The following WDR49 variants were observed in gnomAD, a reference collection of about 807,000 sequenced individuals.
The protein encoded by WDR49 is cilia- and flagella-associated protein 337.
WDR49 carries 107 observed loss-of-function variants against 119.5 expected under a neutral mutation model. That is an observed-to-expected ratio of 0.90 (90% CI 0.77 to 1.05). The LOEUF (loss-of-function observed/expected upper bound fraction) is 1.05. WDR49 is among the 50% of genes least tolerant of loss of function. The pLI, the probability that WDR49 is intolerant of heterozygous loss-of-function variation, is 0.00. For synonymous variants in WDR49, 425 were observed against 418.8 expected (o/e 1.01, Z -0.18); for missense variants, 1,240 against 1,220.5 (o/e 1.02, Z -0.24).
chr3:167,645,356 A>G (rs865788169), intron 2 of WDR49, among the ~76,000 whole-genome samples: 2 of 151,186 alleles, frequency 1.3e-5, no homozygotes, highest in South Asian at 2.1e-4. Context: ...GATTACAGAC[A>G]CCTGCCATAA....
intron 7 of WDR49, among the ~76,000 whole-genome samples, chr3:167,591,196 C>T (rs1238119343): frequency 6.6e-6 from 1 of 151,976 alleles, no homozygotes; most frequent in East Asian, 1.9e-4. Context: ...TGTTTAATTT[C>T]CATGTATTTG....
chr3:167,596,447 A>G (rs1191073405), intron 7 of WDR49, among the ~76,000 whole-genome samples: 6 of 151,944 alleles, frequency 3.9e-5, no homozygotes, highest in African/African-American at 7.3e-5. Context: ...ATTATTCACA[A>G]TAGCAAAGAC....
upstream of WDR49, among the ~76,000 whole-genome samples, chr3:167,656,657 A>G (rs1559935355): frequency 6.6e-6 from 1 of 152,356 alleles, no homozygotes; most frequent in East Asian, 1.9e-4. Flanking sequence ...TTTTCTTGCT[A>G]TAAAATTATG....
intron 11 of WDR49, 52 bp downstream of exon 11, chr3:167,536,808 GCCAAAACAAA>G: frequency 7.3e-7 from 1 of 1,366,710 alleles, no homozygotes; most frequent in South Asian, 2.1e-5. Context: ...AGGTGAGTGA[GCCAAAACAAA>G]CCAAAACAAA....
intron 5 of WDR49, among the ~76,000 whole-genome samples, chr3:167,608,942 C>T (rs1265832196): frequency 6.6e-6 from 1 of 152,182 alleles, no homozygotes; most frequent in Admixed American, 6.5e-5. Context: ...TTAAGGGACC[C>T]TGCCATCGAT....
At chr3:167,614,133 C>T (rs1403231413) in intron 5 of WDR49, among the ~76,000 whole-genome samples, 2 of 152,106 alleles carry the variant, frequency 1.3e-5, no homozygotes, top group African/African-American at 4.8e-5. Flanking sequence ...CTCGCTCTCT[C>T]GCCCAGGTTG....
rs1469128280 is a variant in WDR49 at position 167,626,961 on chromosome 3, A to G, written c.497T>C (p.Ile166Thr). 2 of 1,332,856 alleles carry G rather than the reference A, an allele frequency of 1.5e-6. No homozygotes were observed. Among genetic ancestry groups the G allele is most frequent in the Non-Finnish European group, 1.9e-6 (2 of 1,043,120 alleles). The allele number at this position is 1,332,856 out of a possible 1,614,324, so 82.6% of individuals were successfully genotyped here. A position where few individuals can be genotyped will look rare whatever the true frequency, so the allele number is the denominator to read the frequency against. The change falls in exon 3 of 19, where the codon ATC becomes ACC. Residue 166 changes from isoleucine to threonine, a missense_variant. Ile to Thr is a moderately conservative substitution (Grantham distance 89, BLOSUM62 -1). Transcript: ENST00000682715. ...TTGCAGCTTTAAATGCTCTCCCCAG[A>G]TTGCCAATAAACCTTCTTTACTAAT... ...LTISKEGLLA[I>T]WGEHLKLQET... is the part of the protein sequence containing the mutation.
intron 3 of WDR49, among the ~76,000 whole-genome samples, chr3:167,624,352 A>T (rs1255315254): frequency 2.0e-5 from 3 of 151,782 alleles, no homozygotes; most frequent in African/African-American, 7.2e-5. Flanking sequence ...TGGTAAAAAA[A>T]AAAAGAAAAG....
intron 7 of WDR49, among the ~76,000 whole-genome samples, chr3:167,592,927 T>C (rs1715215538): frequency 6.6e-6 from 1 of 152,180 alleles, no homozygotes; most frequent in South Asian, 2.1e-4. Flanking sequence ...AATATGCTAT[T>C]CTCTCCTGGC....
At chr3:167,553,513 T>C (rs929475135) in intron 10 of WDR49, among the ~76,000 whole-genome samples, 1 of 152,160 alleles carries the variant, frequency 6.6e-6, no homozygotes. Context: ...GGAAATGGCA[T>C]TGCCAAGTTT....
At chr3:167,486,035 G>A (rs1750907111) in intron 18 of WDR49, among the ~76,000 whole-genome samples, 2 of 151,884 alleles carry the variant, frequency 1.3e-5, no homozygotes, top group Admixed American at 6.6e-5. Flanking sequence ...ACCACATCAG[G>A]CTAGCAGTAG....
At chr3:167,643,019 T>C (rs1717955977) in intron 2 of WDR49, among the ~76,000 whole-genome samples, 1 of 151,998 alleles carries the variant, frequency 6.6e-6, no homozygotes, top group Non-Finnish European at 1.5e-5. Flanking sequence ...AAAAATGCCA[T>C]ACTGAAAATG....
chr3:167,649,838 G>T (rs114120027), intron 2 of WDR49, among the ~76,000 whole-genome samples: 2 of 152,168 alleles, frequency 1.3e-5, no homozygotes, highest in Admixed American at 1.3e-4. Flanking sequence ...GCAAATGATA[G>T]CATGGAGCTG....
rs765662532 is a variant in WDR49, at chr3:167,620,492, C to A, written c.895G>T (p.Gly299Ter). ...AATATATGGCAACATTTGTGACATC[C>A]AGAGAGCAGCTCTGCCCAGTTAATG... ...MTINWAELLS[G>*]CHKCCHILEH... Residue 299 changes from glycine to a stop codon, truncating the protein, a stop_gained, in exon 5 of 19, where the codon GGA (glycine) becomes TGA (stop). Coordinates refer to ENST00000682715, the MANE Select transcript of WDR49 (RefSeq NM_001366157.1). LOFTEE classifies it high-confidence loss of function. 5 of 1,536,102 alleles carry A rather than the reference C, an allele frequency of 3.3e-6. No homozygotes were observed. The South Asian group carries it at 5.9e-5, about 18-fold the overall frequency.
chr3:167,481,897 A>C (rs2108187153), intron 18 of WDR49, among the ~76,000 whole-genome samples: 1 of 152,326 alleles, frequency 6.6e-6, no homozygotes, highest in Non-Finnish European at 1.5e-5. Context: ...ATACAATTCA[A>C]ATTGAGATTT....
chr3:167,622,240 CA>C (rs1716906796), intron 3 of WDR49, among the ~76,000 whole-genome samples: 1 of 151,734 alleles, frequency 6.6e-6, no homozygotes, highest in Non-Finnish European at 1.5e-5. Context: ...TCTAAAGAAG[CA>C]AAGGAAAGTA....
At chr3:167,623,736 A>G (rs1453965437) in intron 3 of WDR49, among the ~76,000 whole-genome samples, 1 of 152,030 alleles carries the variant, frequency 6.6e-6, no homozygotes, top group Admixed American at 6.6e-5. Flanking sequence ...TTAAAATATC[A>G]ATATTAAAAA....
At chr3:167,653,624 T>G in intron 1 of WDR49, 125 bp from the exon 2 acceptor site, 2 of 519,606 alleles carry the variant, frequency 3.8e-6, no homozygotes, top group Non-Finnish European at 6.4e-6. Flanking sequence ...ACCCTCTCAC[T>G]TATTTGATTC....
chr3:167,554,591 A>G (rs1265051606), intron 10 of WDR49, 59 bp downstream of exon 10: 3 of 1,183,578 alleles, frequency 2.5e-6, no homozygotes, highest in Non-Finnish European at 1.2e-6. Context: ...GTCAACCAAG[A>G]TTTTTATGTT....
Sources: gnomAD v4.1 joint callset for allele counts (sites outside exome capture counted in the v4.1 genomes callset) on GRCh38, gnomAD v4.1.1 for gene constraint, MANE v1.5 for transcripts, NCBI Gene and HGNC (gene_info 2026-07-23, HGNC 2026-07-21) for gene names.